The following PTPRN2 variants were observed in gnomAD, a reference collection of about 807,000 sequenced individuals.
The protein encoded by PTPRN2 is receptor-type tyrosine-protein phosphatase N2.
In PTPRN2, 74 loss-of-function variants were observed where a neutral mutation model predicts 118.8. That is an observed-to-expected ratio of 0.62 (90% CI 0.52 to 0.76). PTPRN2 has a LOEUF of 0.76. PTPRN2 is among the 30% of genes least tolerant of loss of function. The probability of loss-of-function intolerance (pLI) is 0.00; values close to 1 mark genes in which losing one functional copy is unlikely to be tolerated. For synonymous variants in PTPRN2, 641 were observed against 608.0 expected (o/e 1.05, Z -0.80); for missense variants, 1,481 against 1,394.4 (o/e 1.06, Z -0.99).
At chr7:157,887,142 C>T (rs964585868) in intron 12 of PTPRN2, among the ~76,000 whole-genome samples, 6 of 151,634 alleles carry the variant, frequency 4.0e-5, no homozygotes, top group Non-Finnish European at 8.8e-5. Flanking sequence ...TGCTCCTGAC[C>T]TCTGACCTCC....
At chr7:157,680,884 A>G (rs1403355075) in intron 13 of PTPRN2, among the ~76,000 whole-genome samples, 1 of 152,184 alleles carries the variant, frequency 6.6e-6, no homozygotes, top group Non-Finnish European at 1.5e-5. Flanking sequence ...ATTCTTATTA[A>G]ACAAACCGGA....
At chr7:157,891,193 A>G (rs1796778806) in intron 12 of PTPRN2, among the ~76,000 whole-genome samples, 1 of 152,190 alleles carries the variant, frequency 6.6e-6, no homozygotes. Flanking sequence ...TGTTCCTGCT[A>G]TTGATTTGGC....
rs548155151 is a variant in PTPRN2 at position 157,863,128 on chromosome 7, A to G, written c.1788+35545T>C. The G allele has an allele frequency of 3.9e-5, 6 of 152,332 alleles. No individual in the cohort carries two copies. The East Asian group carries it at 1.2e-3, about 29-fold the overall frequency. 9.4% of individuals were successfully genotyped at this position (152,332 alleles called of 1,614,324 possible). On this transcript the variant is annotated intron_variant, in intron 12 of 22. Coordinates refer to ENST00000389418, the MANE Select transcript of PTPRN2 (RefSeq NM_002847.5). ...AGTTTTGCATGGACCAGCATTCTCCAAGCGCTCTGATCAGTCTTACAGGAG... is the reference window on the plus strand; with the variant it reads ...AGTTTTGCATGGACCAGCATTCTCCGAGCGCTCTGATCAGTCTTACAGGAG...
chr7:157,930,437 C>A (rs1202532081), intron 11 of PTPRN2, among the ~76,000 whole-genome samples: 2 of 152,196 alleles, frequency 1.3e-5, no homozygotes, highest in Non-Finnish European at 2.9e-5. Flanking sequence ...GGGGTGCAAT[C>A]ATTTCCCAGG....
At chr7:157,774,980 T>C (rs1585430109) in intron 12 of PTPRN2, among the ~76,000 whole-genome samples, 1 of 152,172 alleles carries the variant, frequency 6.6e-6, no homozygotes, top group South Asian at 2.1e-4. Flanking sequence ...ATGAGAACAG[T>C]GACACAATGA....
At chr7:157,686,263 T>A (rs890334241) in intron 12 of PTPRN2, among the ~76,000 whole-genome samples, 1 of 152,188 alleles carries the variant, frequency 6.6e-6, no homozygotes, top group Admixed American at 6.5e-5. Flanking sequence ...CGGTTTCAAG[T>A]GTCCCACCCA....
At chr7:158,193,031 G>A (rs889338540) in intron 4 of PTPRN2, among the ~76,000 whole-genome samples, 4 of 152,222 alleles carry the variant, frequency 2.6e-5, no homozygotes, top group African/African-American at 7.2e-5. Flanking sequence ...GCCTCGGGAC[G>A]TCCATGCAGT....
chr7:158,235,365 T>C (rs1192943820), intron 3 of PTPRN2, among the ~76,000 whole-genome samples: 7 of 152,102 alleles, frequency 4.6e-5, no homozygotes, highest in African/African-American at 1.7e-4. Context: ...AATGGATGAA[T>C]GGATATAGAA....
chr7:158,042,473 G>A (rs1271610957), intron 11 of PTPRN2, among the ~76,000 whole-genome samples: 2 of 152,216 alleles, frequency 1.3e-5, no homozygotes, highest in African/African-American at 4.8e-5. Flanking sequence ...CCACACGCAT[G>A]AATCATTTAT....
chr7:158,309,961 T>C (rs956481523), intron 3 of PTPRN2, among the ~76,000 whole-genome samples: 2 of 152,112 alleles, frequency 1.3e-5, no homozygotes, highest in Non-Finnish European at 2.9e-5. Context: ...GAGCGCTCCC[T>C]TGCCCCGTCT....
intron 12 of PTPRN2, among the ~76,000 whole-genome samples, chr7:157,800,754 C>T (rs1805219718): frequency 6.6e-6 from 1 of 151,936 alleles, no homozygotes. Context: ...AGATCGAGAC[C>T]ATCCTGGCCA....
rs867101370 is a variant in PTPRN2 at position 157,621,417 on chromosome 7, G to T, written c.2289C>A (p.Phe763Leu). ...CAYQAEPNSS[F>L]VAQREENVPK... is the part of the protein sequence containing the mutation. ...GCACGTTCTCCTCCCTCTGGGCCAC[G>T]AACGAGCTGTTGGGCTCCGCCTGGT... is the stretch of plus-strand genomic sequence containing the variant. Residue 763 changes from phenylalanine to leucine, a missense_variant, in exon 15 of 23, where the codon TTC becomes TTA. Transcript: ENST00000389418. The T allele has an allele frequency of 6.2e-7, 1 of 1,612,782 alleles. No homozygotes were observed. Among genetic ancestry groups the T allele is most frequent in the South Asian group, 1.1e-5 (1 of 91,058 alleles).
Position 157,896,461 on chromosome 7 carries a change from C to T in PTPRN2, c.1788+2212G>A, listed in dbSNP as rs145592316. 8.9e-3 allele frequency among the ~76,000 whole-genome samples: 1,341 copies of T among 151,174 alleles called. 29 individuals carry two copies. Among genetic ancestry groups the T allele is most frequent in the African/African-American group, 0.032 (1,297 of 40,948 alleles). On this transcript the variant is annotated intron_variant, in intron 12 of 22. Transcript: ENST00000389418. Reference sequence around the variant, plus strand: ...CTCAGGTGCGTGTGGGAAGGAGCTCCGTTGTGAGTGGGGAGCCAGGGAGGT... The same window carrying T: ...CTCAGGTGCGTGTGGGAAGGAGCTCTGTTGTGAGTGGGGAGCCAGGGAGGT...
intron 1 of PTPRN2, among the ~76,000 whole-genome samples, chr7:158,530,833 CG>C (rs1825169550): frequency 6.6e-6 from 1 of 152,136 alleles, no homozygotes; most frequent in Admixed American, 6.5e-5. Context: ...CAAGAGGTGT[CG>C]GGCCATGTGG....
rs368240394 is a variant in PTPRN2 at position 157,982,032 on chromosome 7, TC to T, written c.1724-83296del. Among the ~76,000 whole-genome samples the T allele has an allele frequency of 2.6e-3, 328 of 126,456 alleles. 3 individuals are homozygous for T. Among genetic ancestry groups the T allele is most frequent in the African/African-American group, 9.0e-3 (302 of 33,486 alleles). 83.0% of individuals were successfully genotyped at this position (126,456 alleles called of 152,430 possible). On this transcript the variant is annotated intron_variant, in intron 11 of 22. Transcript: ENST00000389418. ...AGGAGGGGAATGCAGAGTGTGGGGT[TC>T]CCCCCCAAACCCCAAATCATAGAGA...
At chr7:157,857,413 G>C (rs1809792780) in intron 12 of PTPRN2, 1 of 152,240 alleles carries the variant, frequency 6.6e-6, no homozygotes, top group Non-Finnish European at 1.5e-5. Flanking sequence ...ATCTGCACAG[G>C]CTCTGCGCTC....
At chr7:158,511,196 C>T (rs1451626467) in intron 1 of PTPRN2, among the ~76,000 whole-genome samples, 1 of 152,138 alleles carries the variant, frequency 6.6e-6, no homozygotes, top group Non-Finnish European at 1.5e-5. Context: ...TTACCTTTTC[C>T]TTTCCCTCCT....
chr7:158,291,015 G>C (rs1475657035), intron 3 of PTPRN2, among the ~76,000 whole-genome samples: 1 of 152,230 alleles, frequency 6.6e-6, no homozygotes, highest in Non-Finnish European at 1.5e-5. Context: ...TTTGACAGAG[G>C]AGGAGGAGGT....
intron 3 of PTPRN2, among the ~76,000 whole-genome samples, chr7:158,313,760 G>A (rs1802067030): frequency 6.6e-6 from 1 of 152,222 alleles, no homozygotes; most frequent in Non-Finnish European, 1.5e-5. Context: ...GTTACCTTTT[G>A]CCATTATTTG....
Sources: allele counts gnomAD v4.1 joint callset (sites outside exome capture counted in the v4.1 genomes callset), GRCh38; gene constraint gnomAD v4.1.1; transcripts MANE v1.5; gene names NCBI Gene and HGNC (gene_info 2026-07-23, HGNC 2026-07-21).